The following ABR variants were observed in gnomAD, a reference collection of about 807,000 sequenced individuals.
The protein encoded by ABR is ABR activator of RhoGEF and GTPase.
ABR carries 35 observed loss-of-function variants against 107.2 expected under a neutral mutation model. That is an observed-to-expected ratio of 0.33 (90% CI 0.25 to 0.43). The LOEUF (loss-of-function observed/expected upper bound fraction) is 0.43, where lower values mean the gene tolerates loss of function less well. ABR is among the 20% of genes least tolerant of loss of function. The probability of loss-of-function intolerance (pLI) is 1.00; values close to 1 mark genes in which losing one functional copy is unlikely to be tolerated. For synonymous variants in ABR, 498 were observed against 462.0 expected, an observed-to-expected ratio of 1.08 and a Z score of -1.00; for missense variants, 815 against 1,115.2, an observed-to-expected ratio of 0.73 and a Z score of 3.83.
rs541006957 is a variant in ABR at position 1,132,491 on chromosome 17, G to A, written c.62-7124C>T. 1.1e-4 allele frequency among the ~76,000 whole-genome samples: 16 copies of A among 148,404 alleles called. No individual in the cohort carries two copies. In the South Asian group the frequency reaches 1.5e-3, roughly 14 times the overall value. On this transcript the variant is annotated intron_variant, in intron 1 of 22. Coordinates refer to ENST00000302538, the MANE Select transcript of ABR (RefSeq NM_021962.5). Reference sequence around the variant, plus strand: ...CCTGCCAGGTTCAAGCGATTCTCCCGTCTCAGCCTCCCGAGTAGCTGGGAT... The same window carrying A: ...CCTGCCAGGTTCAAGCGATTCTCCCATCTCAGCCTCCCGAGTAGCTGGGAT...
intron 1 of ABR, among the ~76,000 whole-genome samples, chr17:1,139,109 CTCTT>C (rs1597946884): frequency 2.8e-5 from 3 of 107,892 alleles, no homozygotes; most frequent in Non-Finnish European, 5.7e-5. Flanking sequence ...AAAGGAATTT[CTCTT>C]TCTTTTTTCC....
rs750525310 is a variant in ABR at position 1,057,308 on chromosome 17, TTGTGTGTGTGTGTG to T, written c.1382-220_1382-207del. Among the ~76,000 whole-genome samples, 678 of 67,978 alleles carry T rather than the reference TTGTGTGTGTGTGTG, an allele frequency of 1.0e-2. 15 individuals are homozygous for T. Among genetic ancestry groups the T allele is most frequent in the African/African-American group, 0.035 (619 of 17,796 alleles). 44.6% of individuals were successfully genotyped at this position (67,978 alleles called of 152,430 possible). A position where few individuals can be genotyped will look rare whatever the true frequency, so the allele number is the denominator to read the frequency against. ...AGTAGGAGAATCTAACTGAAGAGGT[TTGTGTGTGTGTGTG>T]TGTGTGTGTGTGTGTGTGTGTGTGT... is the stretch of plus-strand genomic sequence containing the variant. On this transcript the variant is annotated intron_variant, in intron 12 of 22. Coordinates refer to ENST00000302538, the MANE Select transcript of ABR (RefSeq NM_021962.5).
At chr17:1,052,086 C>A (rs1415580136) in intron 14 of ABR, among the ~76,000 whole-genome samples, 46 of 146,054 alleles carry the variant, frequency 3.1e-4, no homozygotes, top group South Asian at 2.0e-3. Flanking sequence ...AAAAAAAAAC[C>A]AAAAAAACCA....
chr17:1,188,825 C>T (rs922529769), upstream of ABR, among the ~76,000 whole-genome samples: 1 of 152,176 alleles, frequency 6.6e-6, no homozygotes, highest in African/African-American at 2.4e-5. Flanking sequence ...ATGGAGGGGG[C>T]AGTCTGACCC....
chr17:1,140,621 C>T (rs979036341), intron 1 of ABR, among the ~76,000 whole-genome samples: 11 of 152,082 alleles, frequency 7.2e-5, no homozygotes, highest in Non-Finnish European at 1.3e-4. Flanking sequence ...CTCAATCTGT[C>T]ACCCAGGCTG....
intron 1 of ABR, among the ~76,000 whole-genome samples, chr17:1,216,628 C>G (rs1478684369): frequency 6.6e-6 from 1 of 152,214 alleles, no homozygotes; most frequent in Non-Finnish European, 1.5e-5. Context: ...TTTTAACCCT[C>G]TGTAGCCCAA....
At chr17:1,044,041 G>A (rs746739766) in intron 16 of ABR, among the ~76,000 whole-genome samples, 4 of 152,222 alleles carry the variant, frequency 2.6e-5, no homozygotes, top group Admixed American at 1.3e-4. Flanking sequence ...GGCCCAGCCC[G>A]CCAAGAAGGG....
At chr17:1,158,762 TA>T (rs142332984) in intron 1 of ABR, among the ~76,000 whole-genome samples, 3,787 of 143,924 alleles carry the variant, frequency 0.026, 68 homozygotes, top group Middle Eastern at 0.053. Context: ...GACTCTGTCT[TA>T]AAAAAAAAAA....
At chr17:1,165,931 C>T (rs2151582745) in intron 1 of ABR, among the ~76,000 whole-genome samples, 1 of 152,262 alleles carries the variant, frequency 6.6e-6, no homozygotes, top group East Asian at 1.9e-4. Flanking sequence ...TGGCCCGGCT[C>T]ACAGGGCCCC....
At chr17:1,181,947 C>T (rs1045453043), upstream of ABR, 6 of 152,228 alleles carry the variant, frequency 3.9e-5, no homozygotes, top group Admixed American at 2.0e-4. Flanking sequence ...CATACATTTG[C>T]GTACATTTTA....
At chr17:1,169,119 G>A (rs991102864) in intron 1 of ABR, among the ~76,000 whole-genome samples, 1 of 152,194 alleles carries the variant, frequency 6.6e-6, no homozygotes, top group Admixed American at 6.5e-5. Context: ...AGGAGGGAGG[G>A]AGGACGTGGG....
chr17:1,184,430 G>A (rs988737043), upstream of ABR, among the ~76,000 whole-genome samples: 1 of 152,096 alleles, frequency 6.6e-6, no homozygotes, highest in African/African-American at 2.4e-5. Context: ...ACTCCAGCCT[G>A]GGGACAGAGC....
intron 1 of ABR, among the ~76,000 whole-genome samples, chr17:1,134,818 G>A (rs913748682): frequency 6.6e-6 from 1 of 152,346 alleles, no homozygotes; most frequent in East Asian, 1.9e-4. Context: ...CCCACGCTCT[G>A]GCACTTCCTA....
intron 1 of ABR, among the ~76,000 whole-genome samples, chr17:1,130,228 AG>A (rs149880878): frequency 0.011 from 1,669 of 152,162 alleles, 29 homozygotes; most frequent in African/African-American, 0.039. Flanking sequence ...TCCCGGAAGA[AG>A]TCAGGTCTGC....
At chr17:1,213,611 T>C (rs528685698) in intron 1 of ABR, among the ~76,000 whole-genome samples, 6 of 152,188 alleles carry the variant, frequency 3.9e-5, no homozygotes, top group South Asian at 4.2e-4. Flanking sequence ...CAGGCTGGTC[T>C]CAAACTCCTG....
intron 18 of ABR, 75 bp from the exon 19 acceptor site, chr17:1,012,060 C>T: frequency 1.3e-6 from 2 of 1,599,350 alleles, no homozygotes; most frequent in Non-Finnish European, 1.7e-6. Flanking sequence ...ACCCAGCACA[C>T]ACACACCCTG....
intron 1 of ABR, among the ~76,000 whole-genome samples, chr17:1,169,610 G>C (rs1339141573): frequency 2.0e-5 from 3 of 152,144 alleles, no homozygotes; most frequent in Non-Finnish European, 4.4e-5. Context: ...GACTCTCTGG[G>C]CTCGAGGGCC....
chr17:1,109,156 G>GA, intron 2 of ABR: 31 of 1,434,008 alleles, frequency 2.2e-5, no homozygotes, highest in East Asian at 2.0e-4. Flanking sequence ...CGGGCGGGAG[G>GA]GGGGGCAGGT....
chr17:1,214,165 A>C (rs1478912832), intron 1 of ABR, among the ~76,000 whole-genome samples: 1 of 152,054 alleles, frequency 6.6e-6, no homozygotes, highest in Non-Finnish European at 1.5e-5. Context: ...GATTACAGGC[A>C]TGAGCCACCG....
Sources: allele counts gnomAD v4.1 joint callset (sites outside exome capture counted in the v4.1 genomes callset), GRCh38; gene constraint gnomAD v4.1.1; transcripts MANE v1.5; gene names NCBI Gene and HGNC (gene_info 2026-07-23, HGNC 2026-07-21).